The following ADAMTS20 variants were observed in gnomAD, a reference collection of about 807,000 sequenced individuals.
The protein encoded by ADAMTS20 is ADAM metallopeptidase with thrombospondin type 1 motif 20, also known as A disintegrin and metalloproteinase with thrombospondin motifs 20.
ADAMTS20 carries 225 observed loss-of-function variants against 260.1 expected under a neutral mutation model. The observed-to-expected ratio is 0.87, with a 90% CI of 0.78 to 0.97. ADAMTS20 has a LOEUF of 0.97. Among genes scored for constraint, ADAMTS20 ranks in the 50% least tolerant of loss-of-function variants. ADAMTS20 has a pLI of 0.00. For synonymous variants in ADAMTS20, 802 were observed against 769.5 expected, an observed-to-expected ratio of 1.04 and a Z score of -0.70; for missense variants, 2,400 against 2,337.7, an observed-to-expected ratio of 1.03 and a Z score of -0.55.
chr12:43,436,016 C>A (rs553386846), intron 18 of ADAMTS20, among the ~76,000 whole-genome samples: 7 of 152,046 alleles, frequency 4.6e-5, no homozygotes, highest in Non-Finnish European at 1.0e-4. Context: ...GTTATCTCTG[C>A]TCCTTTCTCA....
chr12:43,454,617 CCAGA>C (rs1209704485), intron 11 of ADAMTS20, among the ~76,000 whole-genome samples: 9 of 152,118 alleles, frequency 5.9e-5, no homozygotes, highest in African/African-American at 2.2e-4. Flanking sequence ...ATTCACTATC[CCAGA>C]CAAAGTCAAT....
chr12:43,478,809 A>T (rs1942398843), intron 7 of ADAMTS20, among the ~76,000 whole-genome samples: 1 of 152,204 alleles, frequency 6.6e-6, no homozygotes, highest in Non-Finnish European at 1.5e-5. Flanking sequence ...TCAGGAAAAA[A>T]CTGAAACCTA....
At chr12:43,405,546 A>T (rs1413669729) in intron 28 of ADAMTS20, among the ~76,000 whole-genome samples, 1 of 151,592 alleles carries the variant, frequency 6.6e-6, no homozygotes, top group Admixed American at 6.6e-5. Context: ...GTTAAAAATT[A>T]TGAAACTTAA....
chr12:43,394,456 A>G (rs1378769321), intron 29 of ADAMTS20, among the ~76,000 whole-genome samples: 1 of 152,118 alleles, frequency 6.6e-6, no homozygotes, highest in Non-Finnish European at 1.5e-5. Flanking sequence ...TAGTGATTTA[A>G]GCAACTCCAT....
At chr12:43,468,253 C>T (rs1415707986) in intron 8 of ADAMTS20, among the ~76,000 whole-genome samples, 1 of 152,162 alleles carries the variant, frequency 6.6e-6, no homozygotes, top group African/African-American at 2.4e-5. Context: ...CCCCCAGAAC[C>T]AGGAGCCCAT....
Position 43,356,587 on chromosome 12 carries a change from C to A in ADAMTS20, c.5540G>T (p.Gly1847Val). ...DCYSAFRCPQ[G>V]QFSINLSGTG... ...TCCTGACAAATTAATGCTAAACTGT[C>A]CCTGGATTGTAAATAAAACAAAGAA... The change falls in exon 38 of 39, where the codon GGA (glycine) becomes GTA (valine). Residue 1847 changes from glycine (G) to valine (V), a missense_variant and splice_region_variant. By Grantham distance (109) the Gly-to-Val change is moderately radical. Transcript: ENST00000389420. The A allele has an allele frequency of 1.2e-6, 2 of 1,603,372 alleles. No homozygotes were observed. The highest frequency in any genetic ancestry group is 1.7e-6 in the Non-Finnish European group (2 of 1,174,008).
intron 7 of ADAMTS20, among the ~76,000 whole-genome samples, chr12:43,480,068 C>T (rs1018390557): frequency 6.6e-5 from 10 of 152,058 alleles, no homozygotes; most frequent in African/African-American, 2.4e-4. Context: ...GAAAGAATAA[C>T]TTTTCAAATA....
chr12:43,509,270 G>A (rs564729859), intron 3 of ADAMTS20, among the ~76,000 whole-genome samples: 12 of 152,008 alleles, frequency 7.9e-5, no homozygotes, highest in East Asian at 1.9e-4. Context: ...TGACAATGAC[G>A]TTTAAAAACA....
chr12:43,538,268 A>G (rs1000611017), intron 2 of ADAMTS20, among the ~76,000 whole-genome samples: 2 of 152,224 alleles, frequency 1.3e-5, no homozygotes, highest in African/African-American at 2.4e-5. Flanking sequence ...CTGATGATCA[A>G]TGATGTTGAG....
chr12:43,490,160 G>A lies in ADAMTS20; in HGVS notation c.1117+235C>T, dbSNP rs1942579531. Among the ~76,000 whole-genome samples the A allele has an allele frequency of 1.3e-5, 2 of 151,884 alleles. 1 individual carries two copies. The highest frequency in any genetic ancestry group is 4.1e-4 in the South Asian group (2 of 4,828). The stretch of plus-strand genomic sequence containing the variant: ...TTTAAATTGGCATATAGGTGATTAC[G>A]TATTATTTCTCATGCACAGCATTTG... On this transcript the variant is annotated intron_variant, in intron 7 of 38. Coordinates refer to ENST00000389420, the MANE Select transcript of ADAMTS20 (RefSeq NM_025003.5).
In ADAMTS20 at chr12:43,551,149, C is replaced by T; in HGVS notation, c.213G>A (p.Leu71=). 2 of 1,613,950 alleles carry T rather than the reference C, an allele frequency of 1.2e-6. No individual in the cohort carries two copies. The highest frequency in any genetic ancestry group is 1.1e-5 in the South Asian group (1 of 91,078). The stretch of plus-strand genomic sequence containing the variant: ...AGTGGGTTCGGAACGGCATGGGTTC[C>T]AGCGCCTCGGAGCTGCGTTTCTGCC... The part of the protein sequence containing the change: ...FSRQKRSSEA[L]EPMPFRTHYR... The change falls in exon 2 of 39, where the codon CTG becomes CTA. Residue 71 remains leucine, a synonymous_variant. Coordinates refer to ENST00000389420, the MANE Select transcript of ADAMTS20 (RefSeq NM_025003.5). The surrounding 1 kb of genome is among the most constrained non-coding windows in gnomAD (Gnocchi z 4.6).
chr12:43,376,683 C>T, intron 32 of ADAMTS20, 30 bp from the exon 33 acceptor site: 1 of 1,586,214 alleles, frequency 6.3e-7, no homozygotes, highest in Non-Finnish European at 8.5e-7. Flanking sequence ...TGAAGGCAAA[C>T]TATATTATGA....
Position 43,432,438 on chromosome 12 carries a change from A to G in ADAMTS20, c.2962T>C (p.Ser988Pro). The change falls in exon 21 of 39, where the codon TCT (serine) becomes CCT (proline). Residue 988 changes from serine to proline, a missense_variant. By Grantham distance (74) the Ser-to-Pro change is moderately conservative (BLOSUM62 -1). Transcript: ENST00000389420. The part of the protein sequence containing the change: ...CSRSCGGGER[S>P]RESYCMNNFG... ...TTATTCATACAATAAGATTCTCGAG[A>G]CCTTTCCCCTCCTCCACAACTCCTG... The G allele has an allele frequency of 6.2e-7, 1 of 1,613,438 alleles. No homozygotes were observed. Among genetic ancestry groups the G allele is most frequent in the Non-Finnish European group, 8.5e-7 (1 of 1,179,806 alleles).
chr12:43,440,775 T>C lies in ADAMTS20; in HGVS notation c.2291-706A>G, dbSNP rs1215100918. 2.0e-5 allele frequency among the ~76,000 whole-genome samples: 3 copies of C among 152,224 alleles called. No individual in the cohort carries two copies. The South Asian group carries it at 6.2e-4, about 32-fold the overall frequency. ...CAGCCAGACTGCTGCATCATTCCAT[T>C]TATGCTTATCTTAGAAAAAAGGTAC... On this transcript the variant is annotated intron_variant, in intron 16 of 38. Coordinates refer to ENST00000389420, the MANE Select transcript of ADAMTS20 (RefSeq NM_025003.5).
chr12:43,414,118 T>A (rs1008126677), intron 28 of ADAMTS20, among the ~76,000 whole-genome samples: 13 of 152,166 alleles, frequency 8.5e-5, no homozygotes, highest in South Asian at 4.1e-4. Context: ...GGATTTAACA[T>A]TTTTTAAAAG....
Position 43,371,558 on chromosome 12 carries a change from G to A in ADAMTS20, c.5447-2177C>T, listed in dbSNP as rs534019741. The stretch of plus-strand genomic sequence containing the variant: ...AATTTAGTGGTGGAGAGTGGTTCTG[G>A]ATGGTCTTATTTAGAAGATAAATTT... On this transcript the variant is annotated intron_variant, in intron 36 of 38. Transcript: ENST00000389420. 2.6e-5 allele frequency among the ~76,000 whole-genome samples: 4 copies of A among 152,160 alleles called. No individual in the cohort carries two copies. In the East Asian group the frequency reaches 7.7e-4, roughly 29 times the overall value.
At chr12:43,373,670 CTTTTTTTTTTTTTTTTTT>C (rs71091149) in intron 36 of ADAMTS20, among the ~76,000 whole-genome samples, 2 of 71,262 alleles carry the variant, frequency 2.8e-5, no homozygotes, top group African/African-American at 1.2e-4. Flanking sequence ...AATATCATCT[CTTTTTTTTTTTTTTTTTT>C]TTTTTTTTTG....
chr12:43,538,620 G>A (rs1221670852), intron 2 of ADAMTS20, among the ~76,000 whole-genome samples: 1 of 152,062 alleles, frequency 6.6e-6, no homozygotes, highest in African/African-American at 2.4e-5. Flanking sequence ...ATTTTCCCTA[G>A]TGTTTTCTTG....
intron 3 of ADAMTS20, among the ~76,000 whole-genome samples, chr12:43,528,750 A>G (rs1359653954): frequency 2.6e-5 from 4 of 152,144 alleles, no homozygotes; most frequent in Non-Finnish European, 4.4e-5. Context: ...GGCCTAGGCA[A>G]AGAATTTATG....
Sources: gnomAD v4.1 joint callset for allele counts (sites outside exome capture counted in the v4.1 genomes callset) on GRCh38, gnomAD v4.1.1 for gene constraint, Gnocchi (gnomAD v3.1) non-coding constraint, MANE v1.5 for transcripts, NCBI Gene and HGNC (gene_info 2026-07-23, HGNC 2026-07-21) for gene names.